ST3GAL2: variants seen among roughly 807,000 people sequenced by gnomAD.
ST3GAL2 encodes the protein ST3 beta-galactoside alpha-2,3-sialyltransferase 2.
Under a neutral mutation model 37.5 loss-of-function variants are expected in ST3GAL2, and 16 were observed. That is an observed-to-expected ratio of 0.43 (90% confidence interval 0.29 to 0.65). The LOEUF (loss-of-function observed/expected upper bound fraction) is 0.65. Ranked by LOEUF, ST3GAL2 falls within the 30% of genes least tolerant of loss-of-function variation. The pLI is 0.17. For synonymous variants in ST3GAL2, 238 were observed against 202.9 expected (o/e 1.17, Z -1.47); for missense variants, 383 against 487.8 (o/e 0.79, Z 2.02).
chr16:70,385,764 C>T (rs1447343969), intron 4 of ST3GAL2, among the ~76,000 whole-genome samples: 2 of 133,990 alleles, frequency 1.5e-5, no homozygotes, highest in African/African-American at 5.9e-5. Context: ...AGTGCAGTGG[C>T]GCGATCTGAG....
At position 70,381,072 on chromosome 16, in the gene ST3GAL2, G is replaced by A. The variant is rs12918154; in HGVS notation, c.*617C>T. 3 of 152,576 alleles carry A rather than the reference G, an allele frequency of 2.0e-5. No homozygotes were observed. Among genetic ancestry groups the A allele is most frequent in the African/African-American group, 7.2e-5 (3 of 41,458 alleles). The allele number at this position is 152,576 out of a possible 1,614,324, so 9.5% of individuals were successfully genotyped here. On this transcript the variant is annotated 3_prime_UTR_variant, in exon 7 of 7. Transcript: ENST00000342907. ...CGGCCCGGGAGCACCCCACCCCGCAGAGGGCGCCACTCCCGGCTTCCTGGA... is the reference window on the plus strand; with the variant it reads ...CGGCCCGGGAGCACCCCACCCCGCAAAGGGCGCCACTCCCGGCTTCCTGGA...
chr16:70,426,181 CTTTTTTTTTTT>C (rs56342720), intron 1 of ST3GAL2, among the ~76,000 whole-genome samples: 1 of 99,512 alleles, frequency 1.0e-5, no homozygotes, highest in Non-Finnish European at 1.9e-5. Flanking sequence ...GGGCCAAAGC[CTTTTTTTTTTT>C]TTTTTTTTTT....
chr16:70,395,784 G>A (rs2047511800), intron 2 of ST3GAL2, among the ~76,000 whole-genome samples: 1 of 152,138 alleles, frequency 6.6e-6, no homozygotes. Flanking sequence ...TACAGGCCCA[G>A]CAAGTGCCAC....
At chr16:70,408,938 A>T (rs1281863769) in intron 1 of ST3GAL2, among the ~76,000 whole-genome samples, 2 of 144,426 alleles carry the variant, frequency 1.4e-5, no homozygotes, top group Non-Finnish European at 1.5e-5. Context: ...GAAAGAAAAA[A>T]TAAAGAAACG....
rs1296352480 is a variant in ST3GAL2, at chr16:70,380,351, G to A, written c.*1338C>T. On this transcript the variant is annotated 3_prime_UTR_variant, in exon 7 of 7. Transcript: ENST00000342907. Reference sequence around the variant, plus strand: ...TGCCTGGTGGTGTCAACTAAGAAAAGGGGGAGCATCTGCGCCGTCACTGTT... The same window carrying A: ...TGCCTGGTGGTGTCAACTAAGAAAAAGGGGAGCATCTGCGCCGTCACTGTT... 6.6e-6 allele frequency: 1 copy of A among 152,332 alleles called. No homozygotes were observed. The highest frequency in any genetic ancestry group is 2.1e-4 in the South Asian group (1 of 4,832). 9.4% of individuals were successfully genotyped at this position (152,332 alleles called of 1,614,324 possible). A position where few individuals can be genotyped will look rare whatever the true frequency, so the allele number is the denominator to read the frequency against.
rs1219907888 is a variant in ST3GAL2, at chr16:70,376,753, T to G, written c.*4936A>C. On this transcript the variant is annotated 3_prime_UTR_variant, in exon 7 of 7. Transcript: ENST00000342907. ...GCCTGTGGATGGGTAAAATACTTTT[T>G]TTTTTTTGAGACGGAGTCTTACTCT... The G allele has an allele frequency of 6.6e-6, 1 of 152,148 alleles. No individual in the cohort carries two copies. The highest frequency in any genetic ancestry group is 1.5e-5 in the Non-Finnish European group (1 of 68,036). 9.4% of individuals were successfully genotyped at this position (152,148 alleles called of 1,614,324 possible). A position where few individuals can be genotyped will look rare whatever the true frequency, so the allele number is the denominator to read the frequency against.
At chr16:70,420,566 C>A (rs2047708177) in intron 1 of ST3GAL2, among the ~76,000 whole-genome samples, 1 of 152,144 alleles carries the variant, frequency 6.6e-6, no homozygotes, top group African/African-American at 2.4e-5. Flanking sequence ...GGCGAAAGGG[C>A]CTGCAGACGT....
intron 1 of ST3GAL2, among the ~76,000 whole-genome samples, chr16:70,402,946 T>C (rs2047565965): frequency 6.6e-6 from 1 of 152,212 alleles, no homozygotes; most frequent in African/African-American, 2.4e-5. Flanking sequence ...CCACTGCGCC[T>C]AGCCATGGAG....
intron 1 of ST3GAL2, among the ~76,000 whole-genome samples, chr16:70,424,868 A>G (rs1025208536): frequency 4.6e-5 from 7 of 152,124 alleles, no homozygotes; most frequent in African/African-American, 1.7e-4. Context: ...TCGTCTCAGC[A>G]TCTCTTTTCA....
chr16:70,402,557 T>C (rs2047563299), intron 1 of ST3GAL2, among the ~76,000 whole-genome samples: 3 of 152,142 alleles, frequency 2.0e-5, no homozygotes, highest in South Asian at 4.1e-4. Context: ...TTCAGGGAAT[T>C]CCTCTGGAGG....
Position 70,378,377 on chromosome 16 carries a change from C to T in ST3GAL2, c.*3312G>A, listed in dbSNP as rs1194478733. On this transcript the variant is annotated 3_prime_UTR_variant, in exon 7 of 7. Transcript: ENST00000342907. Reference sequence around the variant, plus strand: ...CAAGATCGCGCCACTGCACTCCAGCCTGGGTGACAGAGCAAGACTCCATCT... The same window carrying T: ...CAAGATCGCGCCACTGCACTCCAGCTTGGGTGACAGAGCAAGACTCCATCT... The T allele has an allele frequency of 4.3e-5, 6 of 139,488 alleles. No homozygotes were observed. The highest frequency in any genetic ancestry group is 9.1e-5 in the Non-Finnish European group (6 of 66,096). 8.6% of individuals were successfully genotyped at this position (139,488 alleles called of 1,614,324 possible).
chr16:70,395,470 C>G (rs1350454364), intron 2 of ST3GAL2, among the ~76,000 whole-genome samples: 3 of 152,214 alleles, frequency 2.0e-5, no homozygotes, highest in Non-Finnish European at 2.9e-5. Context: ...AGGTGCCTTT[C>G]ACACATTCTC....
At chr16:70,397,040 TTTC>T (rs1458286192) in intron 2 of ST3GAL2, among the ~76,000 whole-genome samples, 33 of 35,300 alleles carry the variant, frequency 9.3e-4, no homozygotes, top group African/African-American at 2.7e-3. Flanking sequence ...CTTTCTTTTC[TTTC>T]TTTTTTTTTT....
At position 70,399,420 on chromosome 16, in the gene ST3GAL2, C is replaced by T; in HGVS notation, c.-890G>A. ...GGTCTCCTTCCTAATACTCCTGGCC[C>T]AGGTTCTGCCCATCCCCACTCCCCC... On this transcript the variant is annotated 5_prime_UTR_variant, in exon 2 of 7. The change creates a premature stop within an existing upstream ORF in the 5' untranslated region. Transcript: ENST00000342907. 2.5e-6 allele frequency: 1 copy of T among 398,796 alleles called. No homozygotes were observed. The highest frequency in any genetic ancestry group is 2.1e-5 in the African/African-American group (1 of 48,744). The allele number at this position is 398,796 out of a possible 1,614,324, so 24.7% of individuals were successfully genotyped here.
intron 1 of ST3GAL2, among the ~76,000 whole-genome samples, chr16:70,436,139 G>C (rs572166179): frequency 3.0e-5 from 4 of 135,172 alleles, no homozygotes; most frequent in Admixed American, 7.4e-5. Flanking sequence ...AAAAAAAAAA[G>C]ACATCTGGCC....
chr16:70,381,295 G>A lies in ST3GAL2; in HGVS notation c.*394C>T, dbSNP rs1288163706. On this transcript the variant is annotated 3_prime_UTR_variant, in exon 7 of 7. Coordinates refer to ENST00000342907, the MANE Select transcript of ST3GAL2 (RefSeq NM_006927.4). ...TCCAGGTCTGGCCAGCTACTAAGAC[G>A]ATCCTCCGCCCGAGGCTGACGGAAG... 2 of 183,474 alleles carry A rather than the reference G, an allele frequency of 1.1e-5. No homozygotes were observed. Among genetic ancestry groups the A allele is most frequent in the African/African-American group, 2.4e-5 (1 of 42,068 alleles). 11.4% of individuals were successfully genotyped at this position (183,474 alleles called of 1,614,324 possible). A position where few individuals can be genotyped will look rare whatever the true frequency, so the allele number is the denominator to read the frequency against.
intron 1 of ST3GAL2, among the ~76,000 whole-genome samples, chr16:70,423,554 C>G (rs1310438567): frequency 6.6e-6 from 1 of 152,044 alleles, no homozygotes; most frequent in Non-Finnish European, 1.5e-5. Context: ...TGGAAAAAGC[C>G]CCCTGCCTGC....
intron 4 of ST3GAL2, among the ~76,000 whole-genome samples, chr16:70,386,170 G>A (rs1462138709): frequency 1.3e-5 from 2 of 151,422 alleles, no homozygotes; most frequent in Non-Finnish European, 2.9e-5. Context: ...ACAGACGTGC[G>A]CCACCACACC....
At position 70,381,678 on chromosome 16, in the gene ST3GAL2, C is replaced by T. The variant is rs2047406669; in HGVS notation, c.*11G>A. On this transcript the variant is annotated 3_prime_UTR_variant, in exon 7 of 7. Transcript: ENST00000342907. ...GATAGATGGGCCGGAAGGGTCGCGG[C>T]GAGGCCCGGCTCAGTTGCCCCGGTA... 1 of 1,611,422 alleles carries T rather than the reference C, an allele frequency of 6.2e-7. No individual in the cohort carries two copies.
Sources: gnomAD v4.1 joint callset for allele counts (sites outside exome capture counted in the v4.1 genomes callset) on GRCh38, gnomAD v4.1.1 for gene constraint, MANE v1.5 for transcripts, NCBI Gene and HGNC (gene_info 2026-07-23, HGNC 2026-07-21) for gene names.